Variants in ZFYVE9 observed in about 807,000 individuals in gnomAD.
The protein encoded by ZFYVE9 is zinc finger FYVE domain-containing protein 9.
ZFYVE9 carries 43 observed loss-of-function variants against 126.7 expected under a neutral mutation model. That is an observed-to-expected ratio of 0.34 (90% CI 0.27 to 0.44). The LOEUF is 0.44. ZFYVE9 is among the 20% of genes least tolerant of loss of function. The pLI, the probability that ZFYVE9 is intolerant of heterozygous loss-of-function variation, is 1.00. For synonymous variants in ZFYVE9, 521 were observed against 597.4 expected (o/e 0.87, Z 1.87); for missense variants, 1,476 against 1,697.0 (o/e 0.87, Z 2.29).
At chr1:52,184,984 T>C (rs555007130) in intron 1 of ZFYVE9, among the ~76,000 whole-genome samples, 145 of 152,274 alleles carry the variant, frequency 9.5e-4, no homozygotes, top group African/African-American at 3.4e-3. Flanking sequence ...TGAGTCTCTA[T>C]CTCTAAGCTA....
At chr1:52,248,448 GTCT>G (rs963020855) in intron 4 of ZFYVE9, among the ~76,000 whole-genome samples, 9 of 152,098 alleles carry the variant, frequency 5.9e-5, no homozygotes, top group African/African-American at 9.7e-5. Context: ...TTGAGAGTGG[GTCT>G]TCTTCTCCCA....
intron 4 of ZFYVE9, chr1:52,254,306 TTTA>T (rs199610792): frequency 1.9e-3 from 318 of 163,344 alleles, no homozygotes; most frequent in East Asian, 0.011. Context: ...TTAAAAATAT[TTTA>T]TTGTAATTTT....
chr1:52,158,938 G>A (rs977266123), intron 1 of ZFYVE9, among the ~76,000 whole-genome samples: 14 of 151,706 alleles, frequency 9.2e-5, no homozygotes, highest in African/African-American at 4.8e-5. Flanking sequence ...GACTACAGGC[G>A]CCTGCCACCA....
intron 4 of ZFYVE9, among the ~76,000 whole-genome samples, chr1:52,260,184 G>A (rs148731642): frequency 1.4e-4 from 21 of 151,726 alleles, no homozygotes; most frequent in African/African-American, 5.1e-4. Context: ...CCTCACCACC[G>A]TTAGATATTA....
rs1348452293 is a variant in ZFYVE9 at position 52,265,976 on chromosome 1, A to G, written c.2279-679A>G. Among the ~76,000 whole-genome samples, 5 of 152,328 alleles carry G rather than the reference A, an allele frequency of 3.3e-5. No individual in the cohort carries two copies. In the East Asian group the frequency reaches 7.7e-4, roughly 23 times the overall value. ...AATGCTATCCAAGTTTCAAATTCTT[A>G]AAGTTTGATGTTGTTTGACTCCCTC... On this transcript the variant is annotated intron_variant, in intron 5 of 18. Coordinates refer to ENST00000287727, the MANE Select transcript of ZFYVE9 (RefSeq NM_004799.4).
At chr1:52,340,320 A>G in intron 17 of ZFYVE9, 89 bp downstream of exon 17, 2 of 921,590 alleles carry the variant, frequency 2.2e-6, no homozygotes, top group Non-Finnish European at 3.4e-6. Context: ...ACTTTGTAGG[A>G]TAAGAAAAAA....
intron 1 of ZFYVE9, among the ~76,000 whole-genome samples, chr1:52,194,958 T>A (rs1473652177): frequency 6.6e-6 from 1 of 152,014 alleles, no homozygotes; most frequent in Non-Finnish European, 1.5e-5. Flanking sequence ...GCTGATTGAT[T>A]ATAATGCTAT....
intron 1 of ZFYVE9, among the ~76,000 whole-genome samples, chr1:52,206,894 T>C (rs1379668050): frequency 6.6e-6 from 1 of 152,218 alleles, no homozygotes; most frequent in African/African-American, 2.4e-5. Flanking sequence ...TCATGAGATA[T>C]GTCAGCCTCC....
At chr1:52,226,593 G>C (rs1289021882) in intron 2 of ZFYVE9, among the ~76,000 whole-genome samples, 1 of 152,160 alleles carries the variant, frequency 6.6e-6, no homozygotes, top group Non-Finnish European at 1.5e-5. Context: ...AAGCCTTACT[G>C]AGGACTCTCG....
At chr1:52,218,271 A>G (rs1645090091) in intron 2 of ZFYVE9, among the ~76,000 whole-genome samples, 1 of 151,584 alleles carries the variant, frequency 6.6e-6, no homozygotes, top group African/African-American at 2.4e-5. Context: ...CCCCCACAAT[A>G]CCACCATACA....
intron 2 of ZFYVE9, among the ~76,000 whole-genome samples, chr1:52,230,595 G>T (rs1034151481): frequency 6.6e-6 from 1 of 151,670 alleles, no homozygotes; most frequent in Non-Finnish European, 1.5e-5. Context: ...TGGTTTTTCA[G>T]CCCTCATGCT....
At chr1:52,313,288 A>G (rs751849831) in intron 13 of ZFYVE9, among the ~76,000 whole-genome samples, 29 of 152,220 alleles carry the variant, frequency 1.9e-4, no homozygotes, top group Non-Finnish European at 3.5e-4. Context: ...AAAGTATGAT[A>G]AAAACAAAAG....
intron 10 of ZFYVE9, among the ~76,000 whole-genome samples, chr1:52,290,297 A>G (rs763028820): frequency 1.8e-4 from 27 of 152,318 alleles, no homozygotes; most frequent in Non-Finnish European, 3.5e-4. Flanking sequence ...GTCCTTTCAT[A>G]ACAAACCCAC....
intron 14 of ZFYVE9, among the ~76,000 whole-genome samples, chr1:52,333,580 A>G (rs1646363093): frequency 6.6e-6 from 1 of 152,162 alleles, no homozygotes; most frequent in Admixed American, 6.5e-5. Context: ...AAGAGGCGTT[A>G]CCCAAAGTGT....
chr1:52,296,721 C>T (rs1645978687), intron 12 of ZFYVE9, among the ~76,000 whole-genome samples: 1 of 152,138 alleles, frequency 6.6e-6, no homozygotes, highest in Non-Finnish European at 1.5e-5. Context: ...AATCAAGCTA[C>T]TGGGCCTCCC....
At chr1:52,255,018 G>T (rs748020090) in intron 4 of ZFYVE9, among the ~76,000 whole-genome samples, 7 of 151,912 alleles carry the variant, frequency 4.6e-5, no homozygotes, top group Non-Finnish European at 1.0e-4. Flanking sequence ...CTTGAACCCA[G>T]GAGGTCGAGG....
At chr1:52,270,356 C>T (rs749172590) in intron 7 of ZFYVE9, among the ~76,000 whole-genome samples, 11 of 152,240 alleles carry the variant, frequency 7.2e-5, no homozygotes, top group Admixed American at 5.9e-4. Flanking sequence ...CTCCGCCTCC[C>T]GGGTTCACGC....
At chr1:52,231,123 TTAG>T (rs1444920271) in intron 2 of ZFYVE9, among the ~76,000 whole-genome samples, 3 of 152,230 alleles carry the variant, frequency 2.0e-5, no homozygotes, top group African/African-American at 7.2e-5. Flanking sequence ...GCTCTTAGCA[TTAG>T]TAGACATTAA....
At chr1:52,330,931 A>G (rs929318057) in intron 13 of ZFYVE9, among the ~76,000 whole-genome samples, 18 of 152,078 alleles carry the variant, frequency 1.2e-4, no homozygotes, top group African/African-American at 3.4e-4. Context: ...TAGTAGCGCA[A>G]TCTTGGCTCA....
Sources: allele counts gnomAD v4.1 joint callset (sites outside exome capture counted in the v4.1 genomes callset), GRCh38; gene constraint gnomAD v4.1.1; transcripts MANE v1.5; gene names NCBI Gene and HGNC (gene_info 2026-07-23, HGNC 2026-07-21).